SLMAP: variants seen among roughly 807,000 people sequenced by gnomAD.
SLMAP encodes sarcolemmal membrane-associated protein.
A neutral mutation model predicts 128.8 loss-of-function variants in SLMAP; 44 were observed. The observed-to-expected ratio is 0.34, with a 90% confidence interval of 0.27 to 0.44. The LOEUF is 0.44. Among genes scored for constraint, SLMAP ranks in the 20% least tolerant of loss-of-function variants. The pLI, the probability that SLMAP is intolerant of heterozygous loss-of-function variation, is 1.00. For missense variants in SLMAP, 787 were observed against 985.3 expected (o/e 0.80, Z 2.69); for synonymous variants, 327 against 348.8 (o/e 0.94, Z 0.70).
chr3:57,825,386 C>G (rs995448247), intron 2 of SLMAP, among the ~76,000 whole-genome samples: 5 of 151,644 alleles, frequency 3.3e-5, no homozygotes, highest in African/African-American at 4.8e-5. Flanking sequence ...TATAAATGCC[C>G]TTTATCATGT....
intron 21 of SLMAP, among the ~76,000 whole-genome samples, chr3:57,914,190 T>G (rs1037184610): frequency 6.6e-6 from 1 of 152,128 alleles, no homozygotes; most frequent in African/African-American, 2.4e-5. Context: ...CATATTTAAG[T>G]TTAAAATGGG....
At chr3:57,835,408 C>T (rs919835789) in intron 3 of SLMAP, among the ~76,000 whole-genome samples, 2 of 151,674 alleles carry the variant, frequency 1.3e-5, no homozygotes, top group African/African-American at 4.8e-5. Flanking sequence ...GCAGTGAGCC[C>T]TGTTCATGCC....
intron 13 of SLMAP, among the ~76,000 whole-genome samples, 200 bp downstream of exon 13, chr3:57,865,492 A>G (rs1025044574): frequency 2.0e-5 from 3 of 152,112 alleles, no homozygotes; most frequent in South Asian, 4.1e-4. Context: ...ATCCCTTGTT[A>G]TATGGAAATT....
chr3:57,757,976 C>G, intron 2 of SLMAP, 127 bp downstream of exon 2: 2 of 745,398 alleles, frequency 2.7e-6, no homozygotes, highest in Non-Finnish European at 2.2e-6. Flanking sequence ...CGCAAAGCCA[C>G]GAATCAACTG....
At chr3:57,825,416 C>T (rs534782994) in intron 2 of SLMAP, among the ~76,000 whole-genome samples, 1 of 149,918 alleles carries the variant, frequency 6.7e-6, no homozygotes, top group East Asian at 1.9e-4. Context: ...TCCCTTCTAA[C>T]GTTAGCTTTC....
chr3:57,872,126 A>C (rs752136751), intron 14 of SLMAP, among the ~76,000 whole-genome samples: 4 of 152,314 alleles, frequency 2.6e-5, no homozygotes, highest in Non-Finnish European at 5.9e-5. Context: ...GGAAGTTGTA[A>C]AAGGCTATCT....
At chr3:57,863,766 G>A (rs1445879444) in intron 10 of SLMAP, among the ~76,000 whole-genome samples, 3 of 152,128 alleles carry the variant, frequency 2.0e-5, no homozygotes, top group Admixed American at 6.5e-5. Flanking sequence ...CAACACTGAG[G>A]ATCAAATTTC....
chr3:57,888,205 A>G (rs2095953892), intron 14 of SLMAP, among the ~76,000 whole-genome samples: 1 of 152,196 alleles, frequency 6.6e-6, no homozygotes, highest in Admixed American at 6.6e-5. Context: ...TTTGAGATAT[A>G]TAAAAATTAA....
rs3037511 is a variant in SLMAP, at chr3:57,868,795, AATATAT to A, written c.1238-2819_1238-2814del. 8.4e-3 allele frequency among the ~76,000 whole-genome samples: 1,053 copies of A among 124,640 alleles called. 17 individuals carry two copies. The highest frequency in any genetic ancestry group is 0.025 in the African/African-American group (787 of 31,510). The allele number at this position is 124,640 out of a possible 152,430, so 81.8% of individuals were successfully genotyped here. ...TTCTCTAGAGGGACAGAACTAATGG[AATATAT>A]ATATATATATATATATATATAAAAT... On this transcript the variant is annotated intron_variant, in intron 13 of 24. Coordinates refer to ENST00000671191, the MANE Select transcript of SLMAP (RefSeq NM_001377540.1).
intron 2 of SLMAP, among the ~76,000 whole-genome samples, chr3:57,825,652 G>A (rs1429648586): frequency 6.6e-6 from 1 of 151,988 alleles, no homozygotes; most frequent in Non-Finnish European, 1.5e-5. Flanking sequence ...TCTGAGTTAG[G>A]CAAAACAAAG....
chr3:57,761,863 A>C (rs1266239275), intron 2 of SLMAP, among the ~76,000 whole-genome samples: 1 of 144,566 alleles, frequency 6.9e-6, no homozygotes, highest in South Asian at 2.2e-4. Flanking sequence ...CTGGCTAACA[A>C]GGTGAAACCC....
chr3:57,853,024 G>C (rs1394987512), intron 6 of SLMAP, among the ~76,000 whole-genome samples: 1 of 152,192 alleles, frequency 6.6e-6, no homozygotes, highest in Non-Finnish European at 1.5e-5. Flanking sequence ...GGACATATTA[G>C]ATTTCTGTTA....
chr3:57,781,374 GGCT>G (rs1436812697), intron 2 of SLMAP, among the ~76,000 whole-genome samples: 1 of 152,114 alleles, frequency 6.6e-6, no homozygotes, highest in East Asian at 1.9e-4. Context: ...TCATTGAAAA[GGCT>G]GTAAAAAGAA....
intron 14 of SLMAP, among the ~76,000 whole-genome samples, chr3:57,883,937 CT>C (rs56691913): frequency 0.44 from 55,059 of 125,988 alleles, 10,633 homozygotes; most frequent in East Asian, 0.83. Flanking sequence ...TCTTTTCTTT[CT>C]TTTTTTTTTT....
chr3:57,909,157 A>G lies in SLMAP; in HGVS notation c.1699+7A>G. 1 of 1,585,466 alleles carries G rather than the reference A, an allele frequency of 6.3e-7. No homozygotes were observed. The highest frequency in any genetic ancestry group is 8.6e-7 in the Non-Finnish European group (1 of 1,157,632). The stretch of plus-strand genomic sequence containing the variant: ...CAAATACAGGTTCTTCAAGGTATGG[A>G]AGACCCCAAGGCTCTTTGAGATTGT... On this transcript the variant is annotated splice_region_variant and intron_variant, in intron 19 of 24. Coordinates refer to ENST00000671191, the MANE Select transcript of SLMAP (RefSeq NM_001377540.1).
rs1411182911 is a variant in SLMAP at position 57,767,158 on chromosome 3, A to G, written c.198+9309A>G. ...GATCTCGAACTCCTGGCCTCAAGCA[A>G]TCCACCTGCCTCAGCCTCCCAAAGT... On this transcript the variant is annotated intron_variant, in intron 2 of 24. Coordinates refer to ENST00000671191, the MANE Select transcript of SLMAP (RefSeq NM_001377540.1). Among the ~76,000 whole-genome samples, 7 of 152,132 alleles carry G rather than the reference A, an allele frequency of 4.6e-5. No individual in the cohort carries two copies. In the East Asian group the frequency reaches 5.8e-4, roughly 13 times the overall value.
chr3:57,921,613 T>G (rs1215455046), intron 22 of SLMAP, among the ~76,000 whole-genome samples: 1 of 152,174 alleles, frequency 6.6e-6, no homozygotes, highest in Non-Finnish European at 1.5e-5. Flanking sequence ...GTGACAGAGC[T>G]AGACTCCGTC....
intron 2 of SLMAP, among the ~76,000 whole-genome samples, chr3:57,783,393 G>A (rs1412896109): frequency 1.3e-5 from 2 of 152,156 alleles, no homozygotes; most frequent in African/African-American, 2.4e-5. Flanking sequence ...AAGTGGGAGA[G>A]AACATGACTG....
chr3:57,787,767 A>C (rs117210630), intron 2 of SLMAP, among the ~76,000 whole-genome samples: 17 of 152,202 alleles, frequency 1.1e-4, no homozygotes, highest in Non-Finnish European at 1.2e-4. Flanking sequence ...GTGAGCCACC[A>C]TGCCCGGCTA....
Sources: allele counts gnomAD v4.1 joint callset (sites outside exome capture counted in the v4.1 genomes callset), GRCh38; gene constraint gnomAD v4.1.1; transcripts MANE v1.5; gene names NCBI Gene and HGNC (gene_info 2026-07-23, HGNC 2026-07-21).